The following PDE1C variants were observed in gnomAD, a reference collection of about 807,000 sequenced individuals.
The protein encoded by PDE1C is phosphodiesterase 1C, also known as dual specificity calcium/calmodulin-dependent 3',5'-cyclic nucleotide phosphodiesterase 1C.
A neutral mutation model predicts 93.1 loss-of-function variants in PDE1C; 62 were observed. The observed-to-expected ratio is 0.67, with a 90% CI of 0.54 to 0.82. PDE1C has a LOEUF of 0.82. Among genes scored for constraint, PDE1C ranks in the 40% least tolerant of loss-of-function variants. PDE1C has a pLI of 0.00. For missense variants in PDE1C, 742 were observed against 884.6 expected (o/e 0.84, Z 2.04); for synonymous variants, 325 against 310.1 (o/e 1.05, Z -0.50).
At chr7:31,714,416 C>T in the PDE1C span, among the ~76,000 whole-genome samples, 301 of 152,312 alleles carry the variant, frequency 2.0e-3, 2 homozygotes, top group Middle Eastern at 6.8e-3. Flanking sequence ...AAGTTCCAAA[C>T]TTTCCCACAT....
At chr7:32,376,333 G>C (rs560672989) in intron 1 of PDE1C, among the ~76,000 whole-genome samples, 1 of 152,178 alleles carries the variant, frequency 6.6e-6, no homozygotes, top group East Asian at 1.9e-4. Context: ...TTTTACCCTT[G>C]GGAGGATCAT....
At chr7:31,996,358 A>G (rs987625401) in intron 2 of PDE1C, among the ~76,000 whole-genome samples, 46 of 152,126 alleles carry the variant, frequency 3.0e-4, no homozygotes, top group Non-Finnish European at 8.8e-5. Context: ...CTTCAAAACT[A>G]AATTTCAAGG....
intron 1 of PDE1C, among the ~76,000 whole-genome samples, chr7:32,057,681 T>C (rs1362479527): frequency 6.6e-6 from 1 of 152,216 alleles, no homozygotes; most frequent in Non-Finnish European, 1.5e-5. Context: ...GGGGTGATTC[T>C]GTCCACAGTC....
chr7:31,867,571 T>C (rs753652884), intron 6 of PDE1C, among the ~76,000 whole-genome samples: 7 of 152,158 alleles, frequency 4.6e-5, no homozygotes, highest in Non-Finnish European at 8.8e-5. Flanking sequence ...TAGCCTGTTG[T>C]AGCCACCTCT....
At chr7:31,820,013 T>A (rs1788764045) in intron 14 of PDE1C, among the ~76,000 whole-genome samples, 1 of 152,076 alleles carries the variant, frequency 6.6e-6, no homozygotes, top group South Asian at 2.1e-4. Context: ...AAAATTTTAG[T>A]CAAAGAAAGA....
At chr7:32,096,461 T>G (rs1191513759) in intron 3 of PDE1C, among the ~76,000 whole-genome samples, 1 of 152,144 alleles carries the variant, frequency 6.6e-6, no homozygotes, top group Non-Finnish European at 1.5e-5. Context: ...GAATAAACTG[T>G]TTATTTCCCC....
At chr7:32,081,714 G>A (rs914709150) in intron 3 of PDE1C, among the ~76,000 whole-genome samples, 2 of 152,210 alleles carry the variant, frequency 1.3e-5, no homozygotes, top group African/African-American at 4.8e-5. Flanking sequence ...AAATTTTAAT[G>A]CATGACCTTT....
chr7:31,813,427 T>C (rs1787799945), intron 15 of PDE1C, among the ~76,000 whole-genome samples: 1 of 152,002 alleles, frequency 6.6e-6, no homozygotes, highest in Non-Finnish European at 1.5e-5. Context: ...CAGAGCAAAA[T>C]GTAAAGAAGC....
intron 2 of PDE1C, among the ~76,000 whole-genome samples, chr7:32,048,736 T>C (rs1792939655): frequency 1.3e-5 from 2 of 152,188 alleles, no homozygotes; most frequent in Admixed American, 1.3e-4. Flanking sequence ...GGATGGCTTG[T>C]AATTCAATGA....
At chr7:32,180,644 G>A (rs1194529216) in intron 2 of PDE1C, among the ~76,000 whole-genome samples, 1 of 152,162 alleles carries the variant, frequency 6.6e-6, no homozygotes, top group Non-Finnish European at 1.5e-5. Context: ...CCAGAACTGT[G>A]AGAAATAAAT....
chr7:32,389,157 C>CGTGTGTGTGTGTGTGTGTGTGT (rs575896243), intron 1 of PDE1C, among the ~76,000 whole-genome samples: 34 of 135,774 alleles, frequency 2.5e-4, no homozygotes, highest in African/African-American at 6.2e-4. Context: ...TGATAGCTGA[C>CGTGTGTGTGTGTGTGTGTGTGT]GTGTGTGTGT....
chr7:32,077,222 A>C (rs1796407016), intron 3 of PDE1C, among the ~76,000 whole-genome samples: 1 of 152,224 alleles, frequency 6.6e-6, no homozygotes, highest in African/African-American at 2.4e-5. Flanking sequence ...CCTGGGCAGC[A>C]AAACAAGATT....
rs1794709480 is a variant in PDE1C at position 31,759,721 on chromosome 7, T to C, written c.1961-6168A>G. ...CTTTATTTTATAATTATGCTCCATG[T>C]TTGATTTTCATAAAAGCAATGCTCT... is the stretch of plus-strand genomic sequence containing the variant. On this transcript the variant is annotated intron_variant, in intron 17 of 17. Coordinates refer to ENST00000396191, the MANE Select transcript of PDE1C (RefSeq NM_001191057.4). Among the ~76,000 whole-genome samples the C allele has an allele frequency of 2.0e-5, 3 of 152,212 alleles. No individual in the cohort carries two copies. The South Asian group carries it at 6.2e-4, about 32-fold the overall frequency.
chr7:31,889,466 G>A (rs908706664), intron 2 of PDE1C, among the ~76,000 whole-genome samples: 1 of 152,188 alleles, frequency 6.6e-6, no homozygotes, highest in African/African-American at 2.4e-5. Flanking sequence ...TCCACATGCA[G>A]GGACCCACTC....
Position 31,775,660 on chromosome 7 carries a change from C to T in PDE1C, c.1960+4G>A. 6.2e-7 allele frequency: 1 copy of T among 1,612,144 alleles called. No homozygotes were observed. Among genetic ancestry groups the T allele is most frequent in the Non-Finnish European group, 8.5e-7 (1 of 1,179,336 alleles). ...AAGATAATGGTGCAATGCTGTTTAC[C>T]CACCTGGCAACGTAAGGCGACACGT... On this transcript the variant is annotated splice_donor_region_variant and intron_variant, in intron 17 of 17. Transcript: ENST00000396191.
chr7:31,692,479 C>T, the PDE1C span: 1 of 1,612,258 alleles, frequency 6.2e-7, no homozygotes, highest in Non-Finnish European at 8.5e-7. Context: ...CTGGAACTCT[C>T]AGAAGACAGA....
chr7:31,949,504 C>A (rs762229667), intron 2 of PDE1C, among the ~76,000 whole-genome samples: 1 of 151,986 alleles, frequency 6.6e-6, no homozygotes, highest in African/African-American at 2.4e-5. Context: ...TGCCACTTTT[C>A]CTCTGTTCTT....
intron 1 of PDE1C, among the ~76,000 whole-genome samples, chr7:32,347,395 T>G (rs1254566789): frequency 6.6e-6 from 1 of 152,210 alleles, no homozygotes; most frequent in African/African-American, 2.4e-5. Flanking sequence ...AGAATAAGAA[T>G]CAAGAACAAT....
At chr7:32,138,073 G>A (rs1004353037) in intron 3 of PDE1C, among the ~76,000 whole-genome samples, 3 of 152,150 alleles carry the variant, frequency 2.0e-5, no homozygotes, top group Non-Finnish European at 2.9e-5. Context: ...AAAATACAAT[G>A]GTGTAGTAGA....
Sources: gnomAD v4.1 joint callset for allele counts (sites outside exome capture counted in the v4.1 genomes callset) on GRCh38, gnomAD v4.1.1 for gene constraint, MANE v1.5 for transcripts, NCBI Gene and HGNC (gene_info 2026-07-23, HGNC 2026-07-21) for gene names.